Variants in MCTP1 observed in about 807,000 individuals in gnomAD.
MCTP1 encodes the protein multiple C2 and transmembrane domain-containing protein 1.
Under a neutral mutation model 120.6 loss-of-function variants are expected in MCTP1, and 69 were observed. The ratio of observed to expected loss-of-function variants is 0.57; its 90% CI spans 0.47 to 0.70. The LOEUF (loss-of-function observed/expected upper bound fraction) is 0.70. Among genes scored for constraint, MCTP1 ranks in the 30% least tolerant of loss-of-function variants. MCTP1 has a pLI of 0.00. For synonymous variants in MCTP1, 529 were observed against 493.1 expected, an observed-to-expected ratio of 1.07 and a Z score of -0.96; for missense variants, 1,203 against 1,248.8, an observed-to-expected ratio of 0.96 and a Z score of 0.55.
chr5:94,769,923 T>G (rs2152895223), intron 19 of MCTP1, among the ~76,000 whole-genome samples: 1 of 152,316 alleles, frequency 6.6e-6, no homozygotes, highest in African/African-American at 2.4e-5. Context: ...TGACATTTCT[T>G]TAATATTTAC....
At chr5:94,880,538 C>T (rs192193004) in intron 12 of MCTP1, among the ~76,000 whole-genome samples, 3 of 152,204 alleles carry the variant, frequency 2.0e-5, no homozygotes, top group East Asian at 1.9e-4. Context: ...TTTAGAATAA[C>T]GTCTTTGTCT....
chr5:95,010,609 G>A (rs78195979), intron 2 of MCTP1, among the ~76,000 whole-genome samples: 2,212 of 151,836 alleles, frequency 0.015, 54 homozygotes, highest in African/African-American at 0.051. Context: ...TAAAAATTTC[G>A]CTAATGCCAG....
At chr5:94,970,469 AGGT>A (rs1826559441) in intron 2 of MCTP1, among the ~76,000 whole-genome samples, 2 of 152,066 alleles carry the variant, frequency 1.3e-5, no homozygotes, top group African/African-American at 4.8e-5. Flanking sequence ...CTGGAAGTTT[AGGT>A]AAACGAAAAT....
At chr5:94,844,317 A>AAAAAG (rs1173816958) in intron 17 of MCTP1, among the ~76,000 whole-genome samples, 37 of 151,010 alleles carry the variant, frequency 2.5e-4, no homozygotes, top group Non-Finnish European at 4.9e-4. Flanking sequence ...AAAAAAAAAA[A>AAAAAG]AAAAGAAAAG....
chr5:94,959,217 A>G (rs991647575), intron 2 of MCTP1, among the ~76,000 whole-genome samples: 5 of 152,182 alleles, frequency 3.3e-5, no homozygotes, highest in African/African-American at 1.2e-4. Context: ...ATAAAATCCA[A>G]CACCCTTTCA....
chr5:94,882,417 T>C (rs1371810758), intron 12 of MCTP1, among the ~76,000 whole-genome samples: 1 of 151,992 alleles, frequency 6.6e-6, no homozygotes, highest in Non-Finnish European at 1.5e-5. Context: ...ATCTCTGTAG[T>C]AAGTTTTTTT....
chr5:95,283,800 G>A, intron 1 of MCTP1, 56 bp downstream of exon 1: 1 of 1,302,828 alleles, frequency 7.7e-7, no homozygotes, highest in Non-Finnish European at 9.7e-7. Context: ...GTGAACGCCT[G>A]AAGAGGGAGG....
At chr5:95,116,195 C>G (rs1324152547) in intron 1 of MCTP1, among the ~76,000 whole-genome samples, 1 of 151,920 alleles carries the variant, frequency 6.6e-6, no homozygotes, top group African/African-American at 2.4e-5. Flanking sequence ...AATAAAAAAG[C>G]AATAAGAAAT....
At chr5:94,782,707 A>G (rs1167524339) in intron 18 of MCTP1, among the ~76,000 whole-genome samples, 1 of 145,052 alleles carries the variant, frequency 6.9e-6, no homozygotes, top group Non-Finnish European at 1.6e-5. Context: ...TCCTCTTCAA[A>G]TAAAACCAAA....
chr5:94,905,000 A>T (rs1299748815), intron 10 of MCTP1, among the ~76,000 whole-genome samples: 1 of 152,076 alleles, frequency 6.6e-6, no homozygotes, highest in Non-Finnish European at 1.5e-5. Context: ...GGAGAAAAAC[A>T]GAGCAGAATA....
rs770341352 is a variant in MCTP1 at position 94,940,209 on chromosome 5, T to A, written c.1062-14A>T. The A allele has an allele frequency of 7.3e-6, 11 of 1,504,368 alleles. No homozygotes were observed. The South Asian group carries it at 1.3e-4, about 18-fold the overall frequency. The allele number at this position is 1,504,368 out of a possible 1,614,324, so 93.2% of individuals were successfully genotyped here. On this transcript the variant is annotated splice_polypyrimidine_tract_variant and intron_variant, in intron 4 of 22. Coordinates refer to ENST00000515393, the MANE Select transcript of MCTP1 (RefSeq NM_024717.7). ...ACATCTGTGGGCCTGTGATAGAAAA[T>A]ATTTAGATTTTGAACAGTCATTAAA...
chr5:94,798,865 G>T, intron 18 of MCTP1, 148 bp downstream of exon 18: 1 of 678,502 alleles, frequency 1.5e-6, no homozygotes, highest in Non-Finnish European at 2.4e-6. Context: ...CCAAAGAGTT[G>T]TTAGTTTTGA....
chr5:95,104,231 C>G (rs1288500138), intron 1 of MCTP1, among the ~76,000 whole-genome samples: 1 of 152,098 alleles, frequency 6.6e-6, no homozygotes, highest in Non-Finnish European at 1.5e-5. Flanking sequence ...CTAATGGGAC[C>G]TGAACTTAAA....
intron 1 of MCTP1, among the ~76,000 whole-genome samples, chr5:95,266,429 C>T (rs936319886): frequency 1.3e-5 from 2 of 152,170 alleles, no homozygotes; most frequent in African/African-American, 4.8e-5. Flanking sequence ...ATACCACAAC[C>T]TTTGTTAGTT....
chr5:95,013,895 G>A (rs181472904), intron 2 of MCTP1, among the ~76,000 whole-genome samples: 2 of 152,138 alleles, frequency 1.3e-5, no homozygotes, highest in South Asian at 2.1e-4. Flanking sequence ...GCTATATGTA[G>A]TTCCTCTGAT....
intron 1 of MCTP1, among the ~76,000 whole-genome samples, chr5:95,158,502 G>C (rs1287935950): frequency 6.6e-6 from 1 of 152,194 alleles, no homozygotes; most frequent in East Asian, 1.9e-4. Flanking sequence ...TTTTAAGAAG[G>C]ATGCCATTGT....
chr5:94,805,792 T>C (rs1416363285), intron 17 of MCTP1, among the ~76,000 whole-genome samples: 2 of 149,234 alleles, frequency 1.3e-5, no homozygotes, highest in Non-Finnish European at 1.5e-5. Context: ...TTGAGACTTG[T>C]CTGAAGCAAG....
intron 17 of MCTP1, among the ~76,000 whole-genome samples, chr5:94,832,475 A>G (rs2153165594): frequency 6.6e-6 from 1 of 152,300 alleles, no homozygotes; most frequent in South Asian, 2.1e-4. Context: ...CGACGATGTG[A>G]ACATTTATAT....
intron 17 of MCTP1, among the ~76,000 whole-genome samples, chr5:94,803,141 C>A (rs1410820314): frequency 1.3e-5 from 2 of 152,184 alleles, no homozygotes; most frequent in Non-Finnish European, 2.9e-5. Context: ...TCATTAGAGA[C>A]TAGAACTATT....
Sources: allele counts gnomAD v4.1 joint callset (sites outside exome capture counted in the v4.1 genomes callset), GRCh38; gene constraint gnomAD v4.1.1; transcripts MANE v1.5; gene names NCBI Gene and HGNC (gene_info 2026-07-23, HGNC 2026-07-21).